The following ATP9A variants were observed in gnomAD, a reference collection of about 807,000 sequenced individuals.
ATP9A encodes probable phospholipid-transporting ATPase IIA.
ATP9A carries 52 observed loss-of-function variants against 144.1 expected under a neutral mutation model. The observed-to-expected ratio is 0.36, with a 90% CI of 0.29 to 0.45. The LOEUF (loss-of-function observed/expected upper bound fraction) is 0.45, where lower values mean the gene tolerates loss of function less well. Ranked by LOEUF, ATP9A falls within the 20% of genes least tolerant of loss-of-function variation. The pLI is 1.00. For synonymous variants in ATP9A, 582 were observed against 557.4 expected, an observed-to-expected ratio of 1.04 and a Z score of -0.62; for missense variants, 947 against 1,392.7, an observed-to-expected ratio of 0.68 and a Z score of 5.09.
At chr20:51,635,030 C>CG (rs1201780489) in intron 15 of ATP9A, among the ~76,000 whole-genome samples, 1 of 151,526 alleles carries the variant, frequency 6.6e-6, no homozygotes, top group Non-Finnish European at 1.5e-5. Context: ...GTCAGCCACC[C>CG]CCCTGGAGTG....
Position 51,738,820 on chromosome 20 carries a change from C to T in ATP9A, c.69-8842G>A, listed in dbSNP as rs1042720809. ...GAGGGAGGCTGGGCGCGGTGGCTCACGCCTGTAATCCCAGCACTTTGGGAG... is the reference window on the plus strand; with the variant it reads ...GAGGGAGGCTGGGCGCGGTGGCTCATGCCTGTAATCCCAGCACTTTGGGAG... On this transcript the variant is annotated intron_variant, in intron 1 of 27. Transcript: ENST00000338821. Among the ~76,000 whole-genome samples, 6 of 152,260 alleles carry T rather than the reference C, an allele frequency of 3.9e-5. No homozygotes were observed. In the East Asian group the frequency reaches 9.7e-4, roughly 25 times the overall value.
At chr20:51,705,731 C>T (rs530208342) in intron 4 of ATP9A, among the ~76,000 whole-genome samples, 2 of 152,286 alleles carry the variant, frequency 1.3e-5, no homozygotes, top group Non-Finnish European at 2.9e-5. Context: ...ATAATCGAGG[C>T]AACCCCCCAC....
chr20:51,710,558 C>G (rs1219963487), intron 4 of ATP9A, among the ~76,000 whole-genome samples: 3 of 152,170 alleles, frequency 2.0e-5, no homozygotes, highest in East Asian at 1.9e-4. Context: ...AAACTCGCCT[C>G]GATCACTTTC....
intron 24 of ATP9A, among the ~76,000 whole-genome samples, chr20:51,608,922 C>CGAGT (rs1644787608): frequency 7.0e-6 from 1 of 142,794 alleles, no homozygotes; most frequent in African/African-American, 2.6e-5. Flanking sequence ...GGAAATAAGA[C>CGAGT]GTGTGTGTGT....
Position 51,613,747 on chromosome 20 carries a change from T to C in ATP9A, c.2501A>G (p.Asn834Ser), listed in dbSNP as rs1263008986. ...GAGGGCGGCTGACCGCTTGTAGCTG[T>C]TCCGGCCATGCACCATAAGCAACCG... is the stretch of plus-strand genomic sequence containing the variant. Reference protein sequence around the residue: ...LGRLLMVHGRNSYKRSAALSQ... With the variant: ...LGRLLMVHGRSSYKRSAALSQ... The change falls in exon 23 of 28, where the codon AAC becomes AGC. Residue 834 changes from asparagine (N) to serine (S), a missense_variant. Physicochemically the swap from Asn to Ser is conservative, Grantham distance 46. Coordinates refer to ENST00000338821, the MANE Select transcript of ATP9A (RefSeq NM_006045.3). The C allele has an allele frequency of 5.6e-6, 9 of 1,614,172 alleles. No individual in the cohort carries two copies. The highest frequency in any genetic ancestry group is 7.6e-6 in the Non-Finnish European group (9 of 1,180,034).
intron 10 of ATP9A, among the ~76,000 whole-genome samples, chr20:51,675,872 C>G (rs1433600747): frequency 1.4e-5 from 2 of 143,976 alleles, no homozygotes; most frequent in Non-Finnish European, 3.0e-5. Flanking sequence ...AAAGTGAGAC[C>G]CTGTCTCAAA....
At chr20:51,715,001 C>G (rs1242877314) in intron 3 of ATP9A, among the ~76,000 whole-genome samples, 1 of 152,088 alleles carries the variant, frequency 6.6e-6, no homozygotes, top group Non-Finnish European at 1.5e-5. Context: ...ATTTTACTTA[C>G]TTGTTTACAG....
intron 11 of ATP9A, among the ~76,000 whole-genome samples, chr20:51,671,804 CTT>C (rs905695340): frequency 6.7e-6 from 1 of 149,542 alleles, no homozygotes. Context: ...AATTTGACTA[CTT>C]TTTTTTTTTT....
chr20:51,663,745 G>A (rs1468639377), intron 13 of ATP9A, among the ~76,000 whole-genome samples: 1 of 145,742 alleles, frequency 6.9e-6, no homozygotes, highest in African/African-American at 2.5e-5. Flanking sequence ...AGTGAGCGGA[G>A]ATCGCGCCAC....
intron 15 of ATP9A, among the ~76,000 whole-genome samples, chr20:51,629,692 C>A (rs1034566261): frequency 3.9e-5 from 6 of 152,186 alleles, no homozygotes; most frequent in African/African-American, 1.4e-4. Flanking sequence ...AAGGACTTGC[C>A]TAGAGATCCA....
chr20:51,646,094 T>C (rs1382921608), intron 14 of ATP9A, among the ~76,000 whole-genome samples: 1 of 152,220 alleles, frequency 6.6e-6, no homozygotes. Context: ...TGTTTTCTCC[T>C]TTGGGTGACA....
At chr20:51,690,692 T>G in intron 8 of ATP9A, 47 bp downstream of exon 8, 1 of 1,505,962 alleles carries the variant, frequency 6.6e-7, no homozygotes, top group Non-Finnish European at 9.2e-7. Context: ...ATTTCATCCC[T>G]TACACACTCC....
intron 4 of ATP9A, among the ~76,000 whole-genome samples, chr20:51,700,426 G>C (rs999056350): frequency 2.0e-5 from 3 of 152,322 alleles, no homozygotes; most frequent in Non-Finnish European, 4.4e-5. Flanking sequence ...GGAGACTGAG[G>C]TGGGAGGAAT....
At chr20:51,621,169 G>A (rs1490847336) in intron 19 of ATP9A, among the ~76,000 whole-genome samples, 2 of 150,892 alleles carry the variant, frequency 1.3e-5, no homozygotes, top group African/African-American at 2.4e-5. Flanking sequence ...AAAAAGGAGA[G>A]ATTTAAGCCA....
chr20:51,736,593 A>G (rs1222652093), intron 1 of ATP9A, among the ~76,000 whole-genome samples: 3 of 149,328 alleles, frequency 2.0e-5, no homozygotes, highest in African/African-American at 7.4e-5. Context: ...GGCTCAAGCT[A>G]TCCTCCTGAC....
chr20:51,675,263 C>T (rs900005290), intron 10 of ATP9A, among the ~76,000 whole-genome samples: 5 of 152,084 alleles, frequency 3.3e-5, no homozygotes, highest in Non-Finnish European at 7.3e-5. Context: ...ATGGCTGTAA[C>T]GTCTAATGGT....
At chr20:51,761,006 T>C (rs1302570017) in intron 1 of ATP9A, among the ~76,000 whole-genome samples, 1 of 151,658 alleles carries the variant, frequency 6.6e-6, no homozygotes, top group Admixed American at 6.6e-5. Context: ...CCAGCCTGAG[T>C]GAGAGTGAGA....
chr20:51,607,654 A>C (rs1224108073), intron 25 of ATP9A, 70 bp from the exon 26 acceptor site: 11 of 1,268,712 alleles, frequency 8.7e-6, no homozygotes, highest in Non-Finnish European at 1.3e-5. Context: ...ATCAGCTTTC[A>C]CGTTATTCTC....
At chr20:51,743,492 C>A (rs980388499) in intron 1 of ATP9A, among the ~76,000 whole-genome samples, 4 of 145,650 alleles carry the variant, frequency 2.7e-5, no homozygotes, top group African/African-American at 1.0e-4. Context: ...CTCTGCCTCC[C>A]GGATTCAAGC....
Sources: allele counts gnomAD v4.1 joint callset (sites outside exome capture counted in the v4.1 genomes callset), GRCh38; gene constraint gnomAD v4.1.1; transcripts MANE v1.5; gene names NCBI Gene and HGNC (gene_info 2026-07-23, HGNC 2026-07-21).